PIEZO2: variants seen among roughly 807,000 people sequenced by gnomAD.
PIEZO2 encodes the protein piezo-type mechanosensitive ion channel component 2.
In PIEZO2, 172 loss-of-function variants were observed where a neutral mutation model predicts 337.3. The observed-to-expected ratio is 0.51, with a 90% CI of 0.45 to 0.58. The LOEUF (loss-of-function observed/expected upper bound fraction) is 0.58, where lower values mean the gene tolerates loss of function less well. PIEZO2 is among the 20% of genes least tolerant of loss of function. The probability of loss-of-function intolerance (pLI) is 0.00; values close to 1 mark genes in which losing one functional copy is unlikely to be tolerated. For synonymous variants in PIEZO2, 1,251 were observed against 1,228.5 expected (o/e 1.02, Z -0.38); for missense variants, 3,028 against 3,391.3 (o/e 0.89, Z 2.66).
chr18:10,970,412 T>C (rs1285366940), intron 3 of PIEZO2, among the ~76,000 whole-genome samples: 2 of 152,230 alleles, frequency 1.3e-5, no homozygotes, highest in Non-Finnish European at 2.9e-5. Context: ...TGCACACGGG[T>C]GCCCAGGGCC....
At position 10,993,084 on chromosome 18, in the gene PIEZO2, G is replaced by A. The variant is rs947355152; in HGVS notation, c.161-13424C>T. On this transcript the variant is annotated intron_variant, in intron 2 of 55. Transcript: ENST00000674853. This position sits in a 1 kb window ranked among gnomAD's most constrained non-coding sequence, Gnocchi z 5.0. ...TTTGCACATTGATTTTGTATCCTGA[G>A]ACTTTGCTGAAGCTGCTTATCAGCT... Among the ~76,000 whole-genome samples, 1 of 152,150 alleles carries A rather than the reference G, an allele frequency of 6.6e-6. No individual in the cohort carries two copies. Among genetic ancestry groups the A allele is most frequent in the Admixed American group, 6.6e-5 (1 of 15,266 alleles).
chr18:11,039,900 T>C (rs2037058154), intron 2 of PIEZO2, among the ~76,000 whole-genome samples: 1 of 152,076 alleles, frequency 6.6e-6, no homozygotes, highest in Non-Finnish European at 1.5e-5. Context: ...GAAAAGGAAA[T>C]ACAACTGCAT....
chr18:10,780,227 T>C (rs2144064738), intron 18 of PIEZO2, 98 bp downstream of exon 18: 8 of 685,228 alleles, frequency 1.2e-5, no homozygotes, highest in Non-Finnish European at 2.1e-5. Context: ...GTGTCCACTA[T>C]CTGACAACAC....
chr18:10,811,312 A>G (rs2144364079), intron 7 of PIEZO2, among the ~76,000 whole-genome samples: 1 of 152,182 alleles, frequency 6.6e-6, no homozygotes, highest in Middle Eastern at 3.4e-3. Context: ...TGCTATTTTT[A>G]GTTTACGTGC....
In PIEZO2 at chr18:11,078,560, T is replaced by G. The variant is rs1325790502; in HGVS notation, c.65-12338A>C. 6.6e-6 allele frequency among the ~76,000 whole-genome samples: 1 copy of G among 152,226 alleles called. No homozygotes were observed. The highest frequency in any genetic ancestry group is 1.5e-5 in the Non-Finnish European group (1 of 68,036). On this transcript the variant is annotated intron_variant, in intron 1 of 55. Coordinates refer to ENST00000674853, the MANE Select transcript of PIEZO2 (RefSeq NM_001378183.1). This position sits in a 1 kb window ranked among gnomAD's most constrained non-coding sequence, Gnocchi z 5.3. Reference sequence around the variant, plus strand: ...CCTGGGAACATCCTCTTCCCTGACATATATGGAACTATCGCTTTTGCTTTC... The same window carrying G: ...CCTGGGAACATCCTCTTCCCTGACAGATATGGAACTATCGCTTTTGCTTTC...
At chr18:10,874,348 C>A (rs190505410) in intron 4 of PIEZO2, among the ~76,000 whole-genome samples, 5 of 152,172 alleles carry the variant, frequency 3.3e-5, no homozygotes, top group Admixed American at 3.3e-4. Flanking sequence ...AGGGGAACCC[C>A]TGTATACTGT....
At chr18:10,769,425 G>A (rs1224096663) in intron 21 of PIEZO2, among the ~76,000 whole-genome samples, 1 of 152,140 alleles carries the variant, frequency 6.6e-6, no homozygotes, top group Non-Finnish European at 1.5e-5. Context: ...AAAAGTTTTA[G>A]GTTTGTAGTG....
At position 10,877,815 on chromosome 18, in the gene PIEZO2, C is replaced by T. The variant is rs931001037; in HGVS notation, c.330-6400G>A. 1.3e-5 allele frequency among the ~76,000 whole-genome samples: 2 copies of T among 152,164 alleles called. No homozygotes were observed. Among genetic ancestry groups the T allele is most frequent in the Admixed American group, 6.5e-5 (1 of 15,282 alleles). Reference sequence around the variant, plus strand: ...ACGGCCCCCAGGAAACATCCACATTCCTAAGCGTGACAAGGGGCCCTCCAC... The same window carrying T: ...ACGGCCCCCAGGAAACATCCACATTTCTAAGCGTGACAAGGGGCCCTCCAC... On this transcript the variant is annotated intron_variant, in intron 4 of 55. Coordinates refer to ENST00000674853, the MANE Select transcript of PIEZO2 (RefSeq NM_001378183.1). This position sits in a 1 kb window ranked among gnomAD's most constrained non-coding sequence, Gnocchi z 5.3.
At position 10,861,200 on chromosome 18, in the gene PIEZO2, G is replaced by A. The variant is rs543870031; in HGVS notation, c.493-3989C>T. Among the ~76,000 whole-genome samples the A allele has an allele frequency of 2.0e-5, 3 of 152,160 alleles. No homozygotes were observed. Among genetic ancestry groups the A allele is most frequent in the Non-Finnish European group, 2.9e-5 (2 of 68,040 alleles). ...TGGAGCTGTAAGCTGTCCCTGCAGC[G>A]GAACAGAACTTCAATCTGGCCTTGA... On this transcript the variant is annotated intron_variant, in intron 5 of 55. Coordinates refer to ENST00000674853, the MANE Select transcript of PIEZO2 (RefSeq NM_001378183.1). This position sits in a 1 kb window ranked among gnomAD's most constrained non-coding sequence, Gnocchi z 4.3.
chr18:11,086,118 A>G (rs1264127917), intron 1 of PIEZO2, among the ~76,000 whole-genome samples: 1 of 152,240 alleles, frequency 6.6e-6, no homozygotes, highest in African/African-American at 2.4e-5. Flanking sequence ...AAACTGATAT[A>G]TCAGCAATGG....
intron 3 of PIEZO2, among the ~76,000 whole-genome samples, chr18:10,914,359 A>G (rs942427561): frequency 2.6e-5 from 4 of 152,122 alleles, no homozygotes; most frequent in Admixed American, 1.3e-4. Flanking sequence ...ATCTCTCAGT[A>G]TCCACAGGGA....
intron 36 of PIEZO2, chr18:10,725,110 C>T (rs1182001274): frequency 6.8e-7 from 1 of 1,480,326 alleles, no homozygotes; most frequent in Non-Finnish European, 9.4e-7. Context: ...CTACAATCCA[C>T]AGTTCGAGTA....
chr18:11,024,109 G>A (rs989765187), intron 2 of PIEZO2, among the ~76,000 whole-genome samples: 1 of 152,250 alleles, frequency 6.6e-6, no homozygotes, highest in Non-Finnish European at 1.5e-5. Context: ...GCAGCGGTGA[G>A]CTGAAGGGCT....
intron 47 of PIEZO2, among the ~76,000 whole-genome samples, chr18:10,692,991 A>C (rs1159089917): frequency 3.3e-5 from 5 of 152,134 alleles, no homozygotes. Flanking sequence ...AGAAATTCAC[A>C]AGTATTTTGA....
chr18:10,875,981 T>C (rs148794284), intron 4 of PIEZO2, among the ~76,000 whole-genome samples: 23 of 152,354 alleles, frequency 1.5e-4, no homozygotes, highest in African/African-American at 5.3e-4. Context: ...GCTAAACTAT[T>C]AACTACTACT....
chr18:10,936,231 T>C (rs1218263989), intron 3 of PIEZO2, among the ~76,000 whole-genome samples: 5 of 152,200 alleles, frequency 3.3e-5, no homozygotes, highest in African/African-American at 1.2e-4. Context: ...CCTTACTTTC[T>C]AGTCAGCATA....
rs938658693 is a variant in PIEZO2 at position 10,935,600 on chromosome 18, A to G, written c.287-24372T>C. Among the ~76,000 whole-genome samples, 11 of 152,352 alleles carry G rather than the reference A, an allele frequency of 7.2e-5. No individual in the cohort carries two copies. In the Middle Eastern group the frequency reaches 0.01, roughly 141 times the overall value. On this transcript the variant is annotated intron_variant, in intron 3 of 55. Transcript: ENST00000674853. The stretch of plus-strand genomic sequence containing the variant: ...GAGAACCTAAGATTTTATGAAAAAG[A>G]TATTTTAGTGTGCATAAAAGAAACT...
chr18:11,115,204 C>T lies in PIEZO2; in HGVS notation c.64+33321G>A, dbSNP rs9948067. On this transcript the variant is annotated intron_variant, in intron 1 of 55. Coordinates refer to ENST00000674853, the MANE Select transcript of PIEZO2 (RefSeq NM_001378183.1). The stretch of plus-strand genomic sequence containing the variant: ...AACATGGAATTCAGAAACAAATACT[C>T]CTATATTAAGTGTTTGGGATAAATA... 7.1e-3 allele frequency among the ~76,000 whole-genome samples: 1,080 copies of T among 152,202 alleles called. 13 individuals carry two copies. The highest frequency in any genetic ancestry group is 0.024 in the African/African-American group (1,005 of 41,512).
Position 11,047,666 on chromosome 18 carries a change from C to T in PIEZO2, c.160+18461G>A, listed in dbSNP as rs545419556. 7.9e-5 allele frequency among the ~76,000 whole-genome samples: 12 copies of T among 152,194 alleles called. No homozygotes were observed. The highest frequency in any genetic ancestry group is 6.2e-4 in the South Asian group (3 of 4,820). On this transcript the variant is annotated intron_variant, in intron 2 of 55. Transcript: ENST00000674853. This position sits in a 1 kb window ranked among gnomAD's most constrained non-coding sequence, Gnocchi z 7.2. ...AGTCTTGGTCCTAAGGAGGAGGGCACGGGGGGAATCTGGGGAGAGCACTAC... is the reference window on the plus strand; with the variant it reads ...AGTCTTGGTCCTAAGGAGGAGGGCATGGGGGGAATCTGGGGAGAGCACTAC...
Sources: allele counts gnomAD v4.1 joint callset (sites outside exome capture counted in the v4.1 genomes callset), GRCh38; gene constraint gnomAD v4.1.1; non-coding constraint Gnocchi (gnomAD v3.1); transcripts MANE v1.5; gene names NCBI Gene and HGNC (gene_info 2026-07-23, HGNC 2026-07-21).